The following PRKAR1B variants were observed in gnomAD, a reference collection of about 807,000 sequenced individuals.
PRKAR1B encodes cAMP-dependent protein kinase type I-beta regulatory subunit.
A neutral mutation model predicts 46.5 loss-of-function variants in PRKAR1B; 22 were observed. The ratio of observed to expected loss-of-function variants is 0.47; its 90% CI spans 0.34 to 0.68. PRKAR1B has a LOEUF of 0.68. Ranked by LOEUF, PRKAR1B falls within the 30% of genes least tolerant of loss-of-function variation. PRKAR1B has a pLI of 0.01. For missense variants in PRKAR1B, 445 were observed against 535.6 expected, an observed-to-expected ratio of 0.83 and a Z score of 1.67; for synonymous variants, 259 against 217.7, an observed-to-expected ratio of 1.19 and a Z score of -1.67.
chr7:596,490 C>G (rs1275940673), intron 6 of PRKAR1B, among the ~76,000 whole-genome samples, 186 bp from the exon 7 acceptor site: 1 of 152,216 alleles, frequency 6.6e-6, no homozygotes, highest in Admixed American at 6.5e-5. Context: ...CAGTGCTCAC[C>G]CCACCCCCAG....
At chr7:568,930 C>T (rs868335632) in intron 9 of PRKAR1B, among the ~76,000 whole-genome samples, 93 of 149,476 alleles carry the variant, frequency 6.2e-4, no homozygotes, top group African/African-American at 2.1e-3. Flanking sequence ...AATGGAAAGC[C>T]GGGGCCCGCG....
At chr7:566,324 A>T (rs972966087) in intron 9 of PRKAR1B, among the ~76,000 whole-genome samples, 2 of 117,928 alleles carry the variant, frequency 1.7e-5, no homozygotes, top group Non-Finnish European at 3.7e-5. Flanking sequence ...ATATTCACCA[A>T]CTCATCACCT....
chr7:580,613 T>C (rs993269013), intron 8 of PRKAR1B, among the ~76,000 whole-genome samples: 3 of 152,110 alleles, frequency 2.0e-5, no homozygotes, highest in African/African-American at 7.2e-5. Flanking sequence ...CAATGTTATC[T>C]TTCCGCCCTT....
At chr7:725,567 G>T (rs1311413832) in intron 1 of PRKAR1B, among the ~76,000 whole-genome samples, 1 of 152,214 alleles carries the variant, frequency 6.6e-6, no homozygotes, top group East Asian at 1.9e-4. Context: ...AGTAGGCCAA[G>T]CTAACTTTAG....
At chr7:685,030 C>T (rs1025848845) in intron 2 of PRKAR1B, among the ~76,000 whole-genome samples, 5 of 151,662 alleles carry the variant, frequency 3.3e-5, no homozygotes, top group Admixed American at 2.6e-4. Flanking sequence ...TGTGGTTTGT[C>T]CCTCCTGAAA....
intron 7 of PRKAR1B, among the ~76,000 whole-genome samples, chr7:591,353 A>G (rs9719484): frequency 0.78 from 118,783 of 152,270 alleles, 46,648 homozygotes; most frequent in South Asian, 0.91. Flanking sequence ...TTGTGTGGGA[A>G]AAGGCAGGTG....
Position 672,185 on chromosome 7 carries a change from C to T in PRKAR1B, c.440+5044G>A, listed in dbSNP as rs544019487. On this transcript the variant is annotated intron_variant, in intron 4 of 10. Coordinates refer to ENST00000537384, the MANE Select transcript of PRKAR1B (RefSeq NM_001164760.2). The stretch of plus-strand genomic sequence containing the variant: ...TTTTTTTTTAAGATGGAGTCTCGCT[C>T]TGTCGCCCAGGCTGGAGTGCAGTGG... Among the ~76,000 whole-genome samples, 258 of 152,110 alleles carry T rather than the reference C, an allele frequency of 1.7e-3. 1 individual carries two copies. The highest frequency in any genetic ancestry group is 5.9e-3 in the African/African-American group (246 of 41,486).
At chr7:577,489 C>T (rs112104593) in intron 9 of PRKAR1B, among the ~76,000 whole-genome samples, 1,919 of 152,264 alleles carry the variant, frequency 0.013, 45 homozygotes, top group East Asian at 0.076. Flanking sequence ...ACATGTCAGA[C>T]ACACGGGAGC....
intron 7 of PRKAR1B, among the ~76,000 whole-genome samples, chr7:589,186 C>T (rs555701662): frequency 6.6e-6 from 1 of 151,640 alleles, no homozygotes; most frequent in African/African-American, 2.4e-5. Flanking sequence ...CCCCTCTGGT[C>T]TTCGGTTTCT....
At chr7:639,888 G>A (rs1225537899) in intron 4 of PRKAR1B, among the ~76,000 whole-genome samples, 2 of 151,458 alleles carry the variant, frequency 1.3e-5, no homozygotes, top group Non-Finnish European at 2.9e-5. Context: ...AAACTGGCCG[G>A]GTGCAGTGGC....
At chr7:695,342 G>A (rs1779671804) in intron 2 of PRKAR1B, among the ~76,000 whole-genome samples, 2 of 152,204 alleles carry the variant, frequency 1.3e-5, no homozygotes, top group Non-Finnish European at 2.9e-5. Flanking sequence ...GTCCCACACG[G>A]GGATGAAGTA....
chr7:596,037 G>T, intron 7 of PRKAR1B, 109 bp downstream of exon 7: 1 of 1,383,582 alleles, frequency 7.2e-7, no homozygotes, highest in Non-Finnish European at 9.8e-7. Context: ...AGGGAGGTTG[G>T]AAGTGTCTTT....
intron 4 of PRKAR1B, among the ~76,000 whole-genome samples, chr7:623,652 T>G (rs141909459): frequency 1.8e-4 from 27 of 152,288 alleles, no homozygotes; most frequent in African/African-American, 6.0e-4. Context: ...CCACTGCCAC[T>G]TAGGTGGAAA....
At chr7:655,835 C>A (rs1435983594) in intron 4 of PRKAR1B, among the ~76,000 whole-genome samples, 1 of 152,148 alleles carries the variant, frequency 6.6e-6, no homozygotes, top group East Asian at 1.9e-4. Context: ...GTGAGTCTCT[C>A]CAACCTCAGT....
At chr7:631,934 G>A (rs561174797) in intron 4 of PRKAR1B, among the ~76,000 whole-genome samples, 2 of 148,688 alleles carry the variant, frequency 1.3e-5, no homozygotes, top group Non-Finnish European at 3.0e-5. Flanking sequence ...TCCAGCCTGA[G>A]CGACACAGCA....
intron 4 of PRKAR1B, among the ~76,000 whole-genome samples, chr7:619,821 CCTTTT>C (rs942151859): frequency 2.4e-4 from 37 of 152,150 alleles, no homozygotes; most frequent in Admixed American, 2.4e-3. Context: ...TCTTTCCTTT[CCTTTT>C]TCTTTCTGTT....
intron 7 of PRKAR1B, among the ~76,000 whole-genome samples, chr7:594,685 A>AC (rs1781167825): frequency 2.0e-5 from 3 of 151,782 alleles, no homozygotes; most frequent in African/African-American, 4.8e-5. Flanking sequence ...CCACAAGGGG[A>AC]CCCCAAGACC....
Position 583,958 on chromosome 7 carries a change from C to T in PRKAR1B, c.769+550G>A, listed in dbSNP as rs145400617. On this transcript the variant is annotated intron_variant, in intron 8 of 10. Transcript: ENST00000537384. ...TTCAGCAGCGTCTTTCCTGCCAGGC[C>T]GTTAAGCAGGCTCACCCGAAGGTGA... 1.2e-3 allele frequency among the ~76,000 whole-genome samples: 187 copies of T among 152,344 alleles called. 2 individuals are homozygous for T. The highest frequency in any genetic ancestry group is 4.4e-3 in the African/African-American group (182 of 41,564).
intron 9 of PRKAR1B, among the ~76,000 whole-genome samples, chr7:558,131 T>A (rs1438702170): frequency 6.7e-6 from 1 of 149,708 alleles, no homozygotes; most frequent in African/African-American, 2.5e-5. Context: ...CTGGGCAACA[T>A]AGTGAGACCC....
Sources: gnomAD v4.1 joint callset for allele counts (sites outside exome capture counted in the v4.1 genomes callset) on GRCh38, gnomAD v4.1.1 for gene constraint, MANE v1.5 for transcripts, NCBI Gene and HGNC (gene_info 2026-07-23, HGNC 2026-07-21) for gene names.